The following MYT1L variants were observed in gnomAD, a reference collection of about 807,000 sequenced individuals.
MYT1L encodes the protein myelin transcription factor 1 like.
In MYT1L, 12 loss-of-function variants were observed where a neutral mutation model predicts 126.7. That is an observed-to-expected ratio of 0.09 (90% confidence interval 0.06 to 0.15). The LOEUF (loss-of-function observed/expected upper bound fraction) is 0.15. MYT1L is among the 10% of genes least tolerant of loss of function. MYT1L has a pLI of 1.00. For synonymous variants in MYT1L, 541 were observed against 604.2 expected, an observed-to-expected ratio of 0.90 and a Z score of 1.53; for missense variants, 979 against 1,585.2, an observed-to-expected ratio of 0.62 and a Z score of 6.49.
At chr2:1,827,587 A>T (rs978362763) in intron 21 of MYT1L, 1 of 152,170 alleles carries the variant, frequency 6.6e-6, no homozygotes, top group Non-Finnish European at 1.5e-5. Flanking sequence ...GGCTCTGTCT[A>T]CGGCAGGGAT....
chr2:1,905,358 A>AT lies in MYT1L; in HGVS notation c.1818-2065dup, dbSNP rs879390860. On this transcript the variant is annotated intron_variant, in intron 13 of 24. Transcript: ENST00000647738. ...CATAGTCAGCTTAGGAAGGACAGTAATTTTTTTTTTTTTTAAGACGGAATT... is the reference window on the plus strand; with the variant it reads ...CATAGTCAGCTTAGGAAGGACAGTAATTTTTTTTTTTTTTTAAGACGGAATT... Among the ~76,000 whole-genome samples, 657 of 145,140 alleles carry AT rather than the reference A, an allele frequency of 4.5e-3. 5 individuals carry two copies. Among genetic ancestry groups the AT allele is most frequent in the African/African-American group, 0.011 (437 of 39,830 alleles).
chr2:1,874,793 C>T (rs968400903), intron 18 of MYT1L, among the ~76,000 whole-genome samples: 3 of 152,224 alleles, frequency 2.0e-5, no homozygotes, highest in Admixed American at 2.0e-4. Flanking sequence ...GGAAAGGTGA[C>T]ATGCTGGCCT....
At chr2:2,252,603 C>T (rs2094682639) in intron 2 of MYT1L, among the ~76,000 whole-genome samples, 2 of 152,102 alleles carry the variant, frequency 1.3e-5, no homozygotes, top group Non-Finnish European at 2.9e-5. Flanking sequence ...ACTATAACAC[C>T]ACAGGTGTGT....
intron 2 of MYT1L, among the ~76,000 whole-genome samples, chr2:2,187,707 A>T (rs2092312350): frequency 6.6e-6 from 1 of 152,128 alleles, no homozygotes; most frequent in Non-Finnish European, 1.5e-5. Context: ...CAACACAGGT[A>T]TACCTACTTC....
chr2:2,202,802 T>G (rs1044902817), intron 2 of MYT1L, among the ~76,000 whole-genome samples: 1 of 152,146 alleles, frequency 6.6e-6, no homozygotes, highest in African/African-American at 2.4e-5. Context: ...TACCAAAGCC[T>G]GGCAGAGACA....
intron 4 of MYT1L, among the ~76,000 whole-genome samples, chr2:2,000,244 C>T (rs1454609296): frequency 1.3e-5 from 2 of 151,898 alleles, no homozygotes; most frequent in African/African-American, 4.8e-5. Context: ...GTCCTCCGAG[C>T]CTCTGCGGCC....
intron 3 of MYT1L, among the ~76,000 whole-genome samples, chr2:2,171,061 G>A (rs995650368): frequency 1.3e-5 from 2 of 152,140 alleles, no homozygotes; most frequent in Non-Finnish European, 2.9e-5. Flanking sequence ...GCTCACCCGG[G>A]GCCTGGCTGG....
intron 4 of MYT1L, among the ~76,000 whole-genome samples, chr2:2,007,222 T>G (rs898942360): frequency 6.6e-6 from 1 of 152,072 alleles, no homozygotes; most frequent in Non-Finnish European, 1.5e-5. Flanking sequence ...GGTCACATGG[T>G]AGTTCTATTT....
chr2:2,262,541 A>G (rs536394676), intron 2 of MYT1L, among the ~76,000 whole-genome samples: 167 of 151,948 alleles, frequency 1.1e-3, no homozygotes, highest in African/African-American at 3.8e-3. Flanking sequence ...AACTACAAAA[A>G]AATTAGCCGG....
chr2:2,262,570 G>A (rs2094999235), intron 2 of MYT1L, among the ~76,000 whole-genome samples: 1 of 151,120 alleles, frequency 6.6e-6, no homozygotes, highest in Non-Finnish European at 1.5e-5. Flanking sequence ...GCGGGCACCT[G>A]TGGTCCCAGC....
At chr2:1,839,486 G>C in intron 20 of MYT1L, 116 bp from the exon 21 acceptor site, 1 of 903,150 alleles carries the variant, frequency 1.1e-6, no homozygotes, top group Admixed American at 2.5e-5. Context: ...TGCCCTCCTG[G>C]CTGGGCAAAA....
In MYT1L at chr2:2,263,805, C is replaced by T. The variant is rs1426696658; in HGVS notation, c.-421+20599G>A. Among the ~76,000 whole-genome samples the T allele has an allele frequency of 3.3e-5, 5 of 152,114 alleles. No homozygotes were observed. The East Asian group carries it at 5.8e-4, about 18-fold the overall frequency. ...CCAGTGACTGTACCCATTTGCTGGA[C>T]GTCAAGCATGATGTTTGCATCTTGG... On this transcript the variant is annotated intron_variant, in intron 2 of 24. Coordinates refer to ENST00000647738, the MANE Select transcript of MYT1L (RefSeq NM_001303052.2).
chr2:2,233,226 G>C (rs1055675347), intron 2 of MYT1L, among the ~76,000 whole-genome samples: 1 of 152,330 alleles, frequency 6.6e-6, no homozygotes, highest in African/African-American at 2.4e-5. Context: ...GATGATCAGC[G>C]AGTGACAGGG....
At chr2:1,940,029 C>T (rs1239925298) in intron 9 of MYT1L, among the ~76,000 whole-genome samples, 1 of 152,234 alleles carries the variant, frequency 6.6e-6, no homozygotes, top group Non-Finnish European at 1.5e-5. Context: ...GGAAGGGCCC[C>T]GCAAGGGCAT....
rs1042754000 is a variant in MYT1L, at chr2:2,157,616, A to G, written c.-304+15256T>C. ...AAGTCAGATGATACATGTGCTGAGC[A>G]TATGAGGAAAGGCAGGAGATGAAAC... On this transcript the variant is annotated intron_variant, in intron 3 of 24. Coordinates refer to ENST00000647738, the MANE Select transcript of MYT1L (RefSeq NM_001303052.2). Among the ~76,000 whole-genome samples the G allele has an allele frequency of 4.6e-5, 7 of 152,218 alleles. No individual in the cohort carries two copies. In the South Asian group the frequency reaches 1.4e-3, roughly 32 times the overall value.
chr2:2,080,246 T>C (rs1419172534), intron 3 of MYT1L, among the ~76,000 whole-genome samples: 1 of 152,126 alleles, frequency 6.6e-6, no homozygotes, highest in Non-Finnish European at 1.5e-5. Flanking sequence ...TAAGTCTTTG[T>C]GTCCTTGGGT....
intron 18 of MYT1L, among the ~76,000 whole-genome samples, chr2:1,867,258 G>A (rs1046136287): frequency 4.6e-5 from 7 of 151,898 alleles, no homozygotes; most frequent in East Asian, 1.9e-4. Flanking sequence ...ATGAAGGGGG[G>A]CCTTGCTGGA....
intron 2 of MYT1L, among the ~76,000 whole-genome samples, chr2:2,205,199 A>G (rs57067853): frequency 0.019 from 2,820 of 152,036 alleles, 96 homozygotes; most frequent in African/African-American, 0.065. Flanking sequence ...GCACACCAAC[A>G]TGGTACATGT....
chr2:2,139,718 G>A (rs2083659479), intron 3 of MYT1L, among the ~76,000 whole-genome samples: 1 of 152,070 alleles, frequency 6.6e-6, no homozygotes, highest in Admixed American at 6.6e-5. Context: ...TGCACAAGAG[G>A]CAGTTCTGTT....
Sources: allele counts gnomAD v4.1 joint callset (sites outside exome capture counted in the v4.1 genomes callset), GRCh38; gene constraint gnomAD v4.1.1; transcripts MANE v1.5; gene names NCBI Gene and HGNC (gene_info 2026-07-23, HGNC 2026-07-21).